The following IQCM variants were observed in gnomAD, a reference collection of about 807,000 sequenced individuals.
IQCM encodes the protein IQ domain-containing protein M.
In IQCM, 45 loss-of-function variants were observed where a neutral mutation model predicts 57.6. The ratio of observed to expected loss-of-function variants is 0.78; its 90% CI spans 0.62 to 1.00. IQCM has a LOEUF of 1.00. Ranked by LOEUF, IQCM falls within the 50% of genes least tolerant of loss-of-function variation. The pLI is 0.00. For synonymous variants in IQCM, 148 were observed against 158.9 expected, an observed-to-expected ratio of 0.93 and a Z score of 0.51; for missense variants, 468 against 511.6, an observed-to-expected ratio of 0.91 and a Z score of 0.82.
At chr4:149,757,655 AC>A (rs1271623199) in intron 2 of IQCM, among the ~76,000 whole-genome samples, 1 of 152,188 alleles carries the variant, frequency 6.6e-6, no homozygotes, top group Non-Finnish European at 1.5e-5. Flanking sequence ...ATTCATACGT[AC>A]CTAACAAAAT....
At chr4:149,452,880 A>T (rs1737276384) in intron 12 of IQCM, among the ~76,000 whole-genome samples, 1 of 151,526 alleles carries the variant, frequency 6.6e-6, no homozygotes, top group African/African-American at 2.4e-5. Flanking sequence ...ATTGGAGACT[A>T]AGAAAGAGTG....
intron 13 of IQCM, among the ~76,000 whole-genome samples, chr4:149,368,315 AT>A (rs1302346963): frequency 6.6e-6 from 1 of 151,996 alleles, no homozygotes; most frequent in African/African-American, 2.4e-5. Context: ...TCTTAGAAGT[AT>A]TGATGTTATA....
chr4:149,412,003 T>G (rs1343343460), intron 13 of IQCM, among the ~76,000 whole-genome samples: 1 of 152,130 alleles, frequency 6.6e-6, no homozygotes. Context: ...CATCATATAT[T>G]TTAAATGTCT....
chr4:149,689,050 T>A (rs1310126024), intron 5 of IQCM, among the ~76,000 whole-genome samples: 1 of 152,016 alleles, frequency 6.6e-6, no homozygotes, highest in African/African-American at 2.4e-5. Context: ...AGGCAAGGAT[T>A]TCATAACCAA....
At chr4:149,726,129 A>AAGAC (rs1041152284) in intron 5 of IQCM, among the ~76,000 whole-genome samples, 2 of 148,306 alleles carry the variant, frequency 1.3e-5, no homozygotes, top group African/African-American at 5.0e-5. Flanking sequence ...GAAAGAAAGA[A>AAGAC]AGAAAGAAAG....
intron 10 of IQCM, among the ~76,000 whole-genome samples, chr4:149,555,827 C>T (rs1749527171): frequency 1.3e-5 from 2 of 152,184 alleles, no homozygotes; most frequent in Non-Finnish European, 2.9e-5. Flanking sequence ...GGGCAACCAC[C>T]GACTTCAATT....
chr4:149,680,978 A>T (rs575879380), intron 7 of IQCM, among the ~76,000 whole-genome samples: 6 of 151,368 alleles, frequency 4.0e-5, no homozygotes, highest in Non-Finnish European at 5.9e-5. Context: ...AGAGCTAAAA[A>T]GTTCCTCTGC....
At chr4:149,653,262 T>C (rs948484466) in intron 7 of IQCM, among the ~76,000 whole-genome samples, 4 of 151,974 alleles carry the variant, frequency 2.6e-5, no homozygotes, top group Non-Finnish European at 2.9e-5. Flanking sequence ...AAGCCAAGGC[T>C]CCAAACCTCC....
At chr4:149,534,505 C>A (rs1747084801) in intron 12 of IQCM, among the ~76,000 whole-genome samples, 1 of 152,080 alleles carries the variant, frequency 6.6e-6, no homozygotes, top group African/African-American at 2.4e-5. Context: ...CCTCTATATC[C>A]AAACCACTGA....
At chr4:149,568,886 G>A (rs981570785) in intron 9 of IQCM, among the ~76,000 whole-genome samples, 7 of 152,178 alleles carry the variant, frequency 4.6e-5, no homozygotes, top group Non-Finnish European at 8.8e-5. Flanking sequence ...CCTTTGCAAC[G>A]TGATTGTGCA....
intron 8 of IQCM, among the ~76,000 whole-genome samples, chr4:149,620,322 T>G (rs1160034828): frequency 6.6e-6 from 1 of 152,096 alleles, no homozygotes; most frequent in African/African-American, 2.4e-5. Context: ...AAATTTTTGT[T>G]GTTTAATCCA....
intron 6 of IQCM, among the ~76,000 whole-genome samples, chr4:149,683,753 A>T (rs1353260056): frequency 6.6e-6 from 1 of 151,366 alleles, no homozygotes; most frequent in Non-Finnish European, 1.5e-5. Flanking sequence ...ATTGTTCCTG[A>T]CTAATGAAAG....
chr4:149,573,182 G>T (rs1373901867), intron 9 of IQCM, among the ~76,000 whole-genome samples: 2 of 151,232 alleles, frequency 1.3e-5, no homozygotes, highest in Admixed American at 6.6e-5. Flanking sequence ...GATATTAAAA[G>T]AATAAGGTTA....
At chr4:149,488,330 A>G (rs1741741006) in intron 12 of IQCM, among the ~76,000 whole-genome samples, 1 of 152,198 alleles carries the variant, frequency 6.6e-6, no homozygotes, top group South Asian at 2.1e-4. Flanking sequence ...AAACAGGCAT[A>G]AAAATATAGT....
intron 12 of IQCM, among the ~76,000 whole-genome samples, chr4:149,532,600 T>C (rs1746866416): frequency 6.6e-6 from 1 of 151,578 alleles, no homozygotes; most frequent in Non-Finnish European, 1.5e-5. Context: ...GGGCATATAC[T>C]ACCTCTTTAC....
chr4:149,647,133 T>C (rs1284733643), intron 7 of IQCM, among the ~76,000 whole-genome samples: 3 of 152,190 alleles, frequency 2.0e-5, no homozygotes, highest in Non-Finnish European at 4.4e-5. Flanking sequence ...CTGAAAGTTG[T>C]ACAGTTTTAA....
intron 2 of IQCM, among the ~76,000 whole-genome samples, chr4:149,789,797 G>T (rs1454033731): frequency 6.6e-6 from 1 of 152,056 alleles, no homozygotes; most frequent in Non-Finnish European, 1.5e-5. Flanking sequence ...AGATACTCAG[G>T]AGGCTAAGGA....
chr4:149,639,559 A>G (rs2150111790), intron 7 of IQCM, among the ~76,000 whole-genome samples: 1 of 152,264 alleles, frequency 6.6e-6, no homozygotes, highest in African/African-American at 2.4e-5. Flanking sequence ...GCCAAATCAA[A>G]TTTGAGTCAT....
intron 12 of IQCM, among the ~76,000 whole-genome samples, chr4:149,484,897 C>A (rs1189309205): frequency 6.6e-6 from 1 of 152,056 alleles, no homozygotes; most frequent in Non-Finnish European, 1.5e-5. Flanking sequence ...TGAAATCCCT[C>A]AGCTTTTATC....
Sources: allele counts gnomAD v4.1 joint callset (sites outside exome capture counted in the v4.1 genomes callset), GRCh38; gene constraint gnomAD v4.1.1; transcripts MANE v1.5; gene names NCBI Gene and HGNC (gene_info 2026-07-23, HGNC 2026-07-21).